The following NAALADL2 variants were observed in gnomAD, a reference collection of about 807,000 sequenced individuals.
NAALADL2 encodes N-acetylated alpha-linked acidic dipeptidase like 2.
In NAALADL2, 76 loss-of-function variants were observed where a neutral mutation model predicts 87.2. The ratio of observed to expected loss-of-function variants is 0.87; its 90% CI spans 0.72 to 1.05. The LOEUF (loss-of-function observed/expected upper bound fraction) is 1.05. Ranked by LOEUF, NAALADL2 falls within the 50% of genes least tolerant of loss-of-function variation. NAALADL2 has a pLI of 0.00. For synonymous variants in NAALADL2, 354 were observed against 331.0 expected (o/e 1.07, Z -0.75); for missense variants, 1,089 against 945.8 (o/e 1.15, Z -1.99).
intron 1 of NAALADL2, among the ~76,000 whole-genome samples, chr3:174,448,245 A>C (rs1168500838): frequency 6.6e-6 from 1 of 152,218 alleles, no homozygotes; most frequent in Non-Finnish European, 1.5e-5. Context: ...ACAGTACAAT[A>C]TAAAAACCAG....
chr3:174,688,600 CTG>C (rs1645631987), intron 2 of NAALADL2, among the ~76,000 whole-genome samples: 2 of 151,876 alleles, frequency 1.3e-5, no homozygotes, highest in African/African-American at 4.8e-5. Context: ...ATTTAGAAAA[CTG>C]AGAAATTGCA....
At chr3:175,037,037 G>A (rs905702356) in intron 1 of NAALADL2, among the ~76,000 whole-genome samples, 1 of 152,012 alleles carries the variant, frequency 6.6e-6, no homozygotes, top group Non-Finnish European at 1.5e-5. Context: ...GGTTCTGACC[G>A]AGAGTACCCT....
chr3:174,448,672 T>G (rs1715241159), intron 1 of NAALADL2, among the ~76,000 whole-genome samples: 1 of 152,128 alleles, frequency 6.6e-6, no homozygotes, highest in South Asian at 2.1e-4. Flanking sequence ...GGAGATGGGA[T>G]ATCAGTATCA....
At chr3:174,549,740 G>A (rs748730155) in intron 1 of NAALADL2, among the ~76,000 whole-genome samples, 5 of 152,060 alleles carry the variant, frequency 3.3e-5, no homozygotes, top group Admixed American at 6.6e-5. Flanking sequence ...ATTGACAACC[G>A]GGATTAGAAT....
At chr3:175,799,888 AAGAATACTTGG>A (rs1286188495) in intron 13 of NAALADL2, among the ~76,000 whole-genome samples, 1 of 152,162 alleles carries the variant, frequency 6.6e-6, no homozygotes, top group Non-Finnish European at 1.5e-5. Context: ...CTTTAATGTT[AAGAATACTTGG>A]AGAATAGCAA....
rs1560995887 is a variant in NAALADL2 at position 175,698,483 on chromosome 3, T to TATATATA, written c.1897-38823_1897-38822insATATATA. Among the ~76,000 whole-genome samples the TATATATA allele has an allele frequency of 7.4e-4, 50 of 67,736 alleles. 4 individuals are homozygous for TATATATA. The highest frequency in any genetic ancestry group is 4.2e-3 in the African/African-American group (46 of 11,054). 44.4% of individuals were successfully genotyped at this position (67,736 alleles called of 152,430 possible). A position where few individuals can be genotyped will look rare whatever the true frequency, so the allele number is the denominator to read the frequency against. On this transcript the variant is annotated intron_variant, in intron 11 of 13. Coordinates refer to ENST00000454872, the MANE Select transcript of NAALADL2 (RefSeq NM_207015.3). ...TGTGTATATATGTGTGTATATATAT[T>TATATATA]TATATATATATATATATATAAAATC...
intron 1 of NAALADL2, among the ~76,000 whole-genome samples, chr3:174,899,749 TG>T (rs1732076136): frequency 6.6e-6 from 1 of 152,116 alleles, no homozygotes; most frequent in Admixed American, 6.5e-5. Flanking sequence ...TAATTTTTCC[TG>T]GGAAAGAATT....
At chr3:175,008,697 G>A (rs1749374569) in intron 1 of NAALADL2, among the ~76,000 whole-genome samples, 1 of 140,922 alleles carries the variant, frequency 7.1e-6, no homozygotes, top group South Asian at 2.3e-4. Flanking sequence ...CATGTTCTAG[G>A]CTATAGGGTA....
chr3:175,345,272 A>G (rs1763032752), intron 5 of NAALADL2, among the ~76,000 whole-genome samples: 1 of 145,356 alleles, frequency 6.9e-6, no homozygotes, highest in South Asian at 2.2e-4. Context: ...GTTTTATTCC[A>G]TGATTCCATG....
intron 10 of NAALADL2, among the ~76,000 whole-genome samples, chr3:175,588,820 G>A (rs932152336): frequency 1.3e-5 from 2 of 152,102 alleles, no homozygotes; most frequent in Non-Finnish European, 2.9e-5. Flanking sequence ...TTATAGGCGT[G>A]AGCCACCGTG....
chr3:174,713,223 T>C (rs993650579), intron 2 of NAALADL2, among the ~76,000 whole-genome samples: 11 of 152,242 alleles, frequency 7.2e-5, no homozygotes, highest in Non-Finnish European at 1.3e-4. Flanking sequence ...TTTGGGTTGG[T>C]TCCAAGTCTT....
At chr3:175,510,008 C>T (rs1730917223) in intron 9 of NAALADL2, among the ~76,000 whole-genome samples, 1 of 151,984 alleles carries the variant, frequency 6.6e-6, no homozygotes, top group East Asian at 1.9e-4. Context: ...CACCTCCCCC[C>T]ACCCCACAAC....
intron 1 of NAALADL2, among the ~76,000 whole-genome samples, chr3:174,875,824 G>C (rs1186927481): frequency 6.6e-6 from 1 of 151,904 alleles, no homozygotes; most frequent in Admixed American, 6.6e-5. Context: ...AATGTTATTT[G>C]CCTATTTTTC....
intron 2 of NAALADL2, among the ~76,000 whole-genome samples, chr3:174,609,309 G>A (rs150371397): frequency 0.34 from 51,848 of 151,766 alleles, 10,085 homozygotes; most frequent in Middle Eastern, 0.46. Context: ...GGAAGTTCTG[G>A]CCAGGGCAAT....
At chr3:175,258,134 C>A (rs534141112) in intron 4 of NAALADL2, among the ~76,000 whole-genome samples, 15 of 152,080 alleles carry the variant, frequency 9.9e-5, no homozygotes, top group African/African-American at 3.4e-4. Context: ...TGGTGAAACC[C>A]TGTCTCTACT....
intron 5 of NAALADL2, among the ~76,000 whole-genome samples, chr3:175,413,590 A>G (rs532600574): frequency 4.6e-5 from 6 of 129,770 alleles, no homozygotes; most frequent in Non-Finnish European, 1.0e-4. Context: ...AAAAATCCCA[A>G]ACATGTGCTA....
At chr3:174,718,299 A>G (rs1731395701) in intron 2 of NAALADL2, among the ~76,000 whole-genome samples, 1 of 152,182 alleles carries the variant, frequency 6.6e-6, no homozygotes, top group Non-Finnish European at 1.5e-5. Context: ...AACAATTTAT[A>G]TCATTGACCT....
chr3:174,706,087 T>C (rs1730042465), intron 2 of NAALADL2, among the ~76,000 whole-genome samples: 1 of 152,222 alleles, frequency 6.6e-6, no homozygotes, highest in Admixed American at 6.5e-5. Flanking sequence ...TCTGAAATAA[T>C]TTGTATTAGT....
intron 1 of NAALADL2, among the ~76,000 whole-genome samples, chr3:175,024,408 A>C (rs2108879683): frequency 6.6e-6 from 1 of 152,234 alleles, no homozygotes; most frequent in African/African-American, 2.4e-5. Flanking sequence ...GACTACTGAA[A>C]TGCAAAAAGG....
Sources: gnomAD v4.1 joint callset for allele counts (sites outside exome capture counted in the v4.1 genomes callset) on GRCh38, gnomAD v4.1.1 for gene constraint, MANE v1.5 for transcripts, NCBI Gene and HGNC (gene_info 2026-07-23, HGNC 2026-07-21) for gene names.